NONO: variants seen among roughly 807,000 people sequenced by gnomAD.
NONO encodes the protein non-POU domain-containing octamer-binding protein.
NONO carries 6 observed loss-of-function variants against 40.2 expected under a neutral mutation model. That is an observed-to-expected ratio of 0.15 (90% CI 0.08 to 0.29). NONO has a LOEUF of 0.29. Among genes scored for constraint, NONO ranks in the 10% least tolerant of loss-of-function variants. The pLI, the probability that NONO is intolerant of heterozygous loss-of-function variation, is 1.00. For missense variants in NONO, 133 were observed against 397.8 expected (o/e 0.33, Z 5.66); for synonymous variants, 89 against 123.3 (o/e 0.72, Z 1.85).
chrX:71,298,594 G>A, intron 10 of NONO, 86 bp downstream of exon 10: 2 of 1,062,875 alleles, frequency 1.9e-6, no homozygotes, highest in Non-Finnish European at 2.6e-6. Context: ...CTACTTTAAG[G>A]GGGTGACATA....
chrX:71,286,682 G>A lies in NONO; in HGVS notation c.-10+2229G>A, dbSNP rs149461322. ...TAATTTTTAAGGCTGTGAACATTCT[G>A]TTGTATAGATGTACCGTACTTTCAT... On this transcript the variant is annotated intron_variant, in intron 2 of 11. Transcript: ENST00000276079. 5.5e-3 allele frequency among the ~76,000 whole-genome samples: 614 copies of A among 111,768 alleles called. 7 individuals are homozygous for A. The highest frequency in any genetic ancestry group is 0.019 in the African/African-American group (575 of 30,813).
At position 71,290,879 on chromosome X, in the gene NONO, G is replaced by T. The variant is rs1264837313; in HGVS notation, c.154+88G>T. The T allele has an allele frequency of 3.1e-6, 3 of 954,619 alleles. No homozygotes were observed. The African/African-American group carries it at 5.9e-5, about 19-fold the overall frequency. The allele number at this position is 954,619 out of a possible 1,213,427, so 78.7% of individuals were successfully genotyped here. A position where few individuals can be genotyped will look rare whatever the true frequency, so the allele number is the denominator to read the frequency against. On this transcript the variant is annotated intron_variant, in intron 3 of 11. Coordinates refer to ENST00000276079, the MANE Select transcript of NONO (RefSeq NM_007363.5). ...TAGATTAGTTTCTCGGGCTTATAAGGGAATAGGCCTTTATGGCACACCTTT... is the reference window on the plus strand; with the variant it reads ...TAGATTAGTTTCTCGGGCTTATAAGTGAATAGGCCTTTATGGCACACCTTT...
At chrX:71,293,497 C>T (rs2031369272) in intron 4 of NONO, among the ~76,000 whole-genome samples, 2 of 108,648 alleles carry the variant, frequency 1.8e-5, no homozygotes, top group African/African-American at 6.7e-5. Context: ...GCAGGAGAAT[C>T]GCCTGAACCT....
In NONO at chrX:71,291,724, TACG is replaced by T; in HGVS notation, c.155-52_155-50del. The T allele has an allele frequency of 5.4e-6, 5 of 919,151 alleles. No individual in the cohort carries two copies. In the South Asian group the frequency reaches 1.4e-4, roughly 25 times the overall value. 75.7% of individuals were successfully genotyped at this position (919,151 alleles called of 1,213,427 possible). A position where few individuals can be genotyped will look rare whatever the true frequency, so the allele number is the denominator to read the frequency against. On this transcript the variant is annotated intron_variant, in intron 3 of 11. Coordinates refer to ENST00000276079, the MANE Select transcript of NONO (RefSeq NM_007363.5). ...ATCAGTGGTTATAGGTCTTTGAGGATACGACTATAATTCTATTTCCCCAGTCTT... is the reference window on the plus strand; with the variant it reads ...ATCAGTGGTTATAGGTCTTTGAGGATACTATAATTCTATTTCCCCAGTCTT...
chrX:71,298,686 G>A (rs1602390656), intron 10 of NONO, 21 bp from the exon 11 acceptor site: 1 of 1,173,376 alleles, frequency 8.5e-7, no homozygotes, highest in East Asian at 3.0e-5. Context: ...CCCTTGTGCT[G>A]ATCACACTAC....
At chrX:71,299,395 G>A (rs12557510) in intron 11 of NONO, among the ~76,000 whole-genome samples, 2,227 of 112,129 alleles carry the variant, frequency 0.02, 176 homozygotes, top group Admixed American at 0.19. Context: ...AGCAAACTCA[G>A]TCTCTATACT....
chrX:71,295,776 G>T (rs2031433315), intron 5 of NONO, among the ~76,000 whole-genome samples: 1 of 111,685 alleles, frequency 9.0e-6, no homozygotes. Flanking sequence ...GGGCGACAGA[G>T]GAAGACTCCG....
chrX:71,291,712 G>T, intron 3 of NONO, 67 bp from the exon 4 acceptor site: 2 of 833,021 alleles, frequency 2.4e-6, no homozygotes, highest in Non-Finnish European at 3.3e-6. Flanking sequence ...AGTGGTTATA[G>T]GTCTTTGAGG....
At chrX:71,288,184 T>C (rs1292891823) in intron 2 of NONO, among the ~76,000 whole-genome samples, 1 of 83,712 alleles carries the variant, frequency 1.2e-5, no homozygotes, top group Non-Finnish European at 2.2e-5. Context: ...TGGAATACAA[T>C]GGCGTGATCA....
Position 71,298,726 on chromosome X carries a change from C to T in NONO, c.1191C>T (p.Asn397=), listed in dbSNP as rs1179103499. ...MAMGGAMGIN[N]RGAMPPAPVP... is the part of the protein sequence containing the mutation. ...CCTTAGGTGCTATGGGCATAAACAA[C>T]AGAGGTGCCATGCCCCCTGCTCCTG... Residue 397 remains asparagine, a synonymous_variant, in exon 11 of 12, where the codon AAC becomes AAT. Coordinates refer to ENST00000276079, the MANE Select transcript of NONO (RefSeq NM_007363.5). 5.0e-6 allele frequency: 6 copies of T among 1,207,094 alleles called. No individual in the cohort carries two copies. In the African/African-American group the frequency reaches 7.0e-5, roughly 14 times the overall value.
At chrX:71,293,638 T>G (rs138922966) in intron 4 of NONO, among the ~76,000 whole-genome samples, 275 of 109,867 alleles carry the variant, frequency 2.5e-3, no homozygotes, top group African/African-American at 8.8e-3. Context: ...GAGTTTTTGT[T>G]TTCGTTTTTT....
At chrX:71,286,656 A>G (rs2031195816) in intron 2 of NONO, among the ~76,000 whole-genome samples, 1 of 112,020 alleles carries the variant, frequency 8.9e-6, no homozygotes, top group Non-Finnish European at 1.9e-5. Context: ...TGTGGTCTTC[A>G]TAATTTTTAA....
intron 10 of NONO, 84 bp downstream of exon 10, chrX:71,298,592 A>G: frequency 7.5e-6 from 8 of 1,063,312 alleles, no homozygotes; most frequent in Non-Finnish European, 9.2e-6. Context: ...GCCTACTTTA[A>G]GGGGGTGACA....
chrX:71,298,446 C>A, intron 9 of NONO, 23 bp from the exon 10 acceptor site: 1 of 1,200,454 alleles, frequency 8.3e-7, no homozygotes, highest in Non-Finnish European at 1.1e-6. Context: ...CTTGGACTGT[C>A]TTGAGTATTT....
chrX:71,290,212 A>G (rs1048575916), intron 2 of NONO, among the ~76,000 whole-genome samples: 4 of 107,054 alleles, frequency 3.7e-5, no homozygotes, highest in African/African-American at 1.0e-4. Flanking sequence ...ACACCCAGCT[A>G]ATTTTTGTAT....
At chrX:71,299,866 A>T in intron 11 of NONO, 76 bp from the exon 12 acceptor site, 1 of 1,138,187 alleles carries the variant, frequency 8.8e-7, no homozygotes, top group Admixed American at 2.3e-5. Flanking sequence ...AATAGCCTCC[A>T]GTGGAGGGAC....
Position 71,291,759 on chromosome X carries a change from G to T in NONO, c.155-20G>T. The T allele has an allele frequency of 8.8e-7, 1 of 1,132,479 alleles. No homozygotes were observed. The highest frequency in any genetic ancestry group is 1.2e-6 in the Non-Finnish European group (1 of 850,340). The allele number at this position is 1,132,479 out of a possible 1,213,427, so 93.3% of individuals were successfully genotyped here. Reference sequence around the variant, plus strand: ...ATTCTATTTCCCCAGTCTTTTAAGTGACTGTGTGTCTTCTCTCAGATGAAG... The same window carrying T: ...ATTCTATTTCCCCAGTCTTTTAAGTTACTGTGTGTCTTCTCTCAGATGAAG... On this transcript the variant is annotated intron_variant, in intron 3 of 11. Transcript: ENST00000276079.
At chrX:71,290,912 T>G in intron 3 of NONO, 121 bp downstream of exon 3, 1 of 818,000 alleles carries the variant, frequency 1.2e-6, no homozygotes, top group Non-Finnish European at 1.7e-6. Context: ...TTTGTTCTTT[T>G]TTCTCTTTAC....
chrX:71,287,069 T>C, intron 2 of NONO, among the ~76,000 whole-genome samples: 1 of 112,298 alleles, frequency 8.9e-6, no homozygotes, highest in Non-Finnish European at 1.9e-5. Context: ...ATCTGAGAAA[T>C]ATAATTTTCT....
Sources: gnomAD v4.1 joint callset for allele counts (sites outside exome capture counted in the v4.1 genomes callset) on GRCh38, gnomAD v4.1.1 for gene constraint, MANE v1.5 for transcripts, NCBI Gene and HGNC (gene_info 2026-07-23, HGNC 2026-07-21) for gene names.